Variants in ANKS1B observed in about 807,000 individuals in gnomAD.
ANKS1B encodes the protein ankyrin repeat and sterile alpha motif domain containing 1B, also known as ankyrin repeat and sterile alpha motif domain-containing protein 1B.
In ANKS1B, 36 loss-of-function variants were observed where a neutral mutation model predicts 148.3. The ratio of observed to expected loss-of-function variants is 0.24; its 90% confidence interval spans 0.19 to 0.32. The LOEUF is 0.32. Among genes scored for constraint, ANKS1B ranks in the 10% least tolerant of loss-of-function variants. The pLI, the probability that ANKS1B is intolerant of heterozygous loss-of-function variation, is 1.00. For synonymous variants in ANKS1B, 542 were observed against 560.8 expected, an observed-to-expected ratio of 0.97 and a Z score of 0.47; for missense variants, 1,157 against 1,542.6, an observed-to-expected ratio of 0.75 and a Z score of 4.19.
At chr12:99,959,227 A>ATTTTTT (rs71088166) in intron 1 of ANKS1B, among the ~76,000 whole-genome samples, 36 of 99,892 alleles carry the variant, frequency 3.6e-4, no homozygotes, top group Non-Finnish European at 5.0e-4. Context: ...CACCCAGTTA[A>ATTTTTT]TTTTTTTTTT....
At chr12:99,161,289 C>A (rs538371112) in intron 14 of ANKS1B, among the ~76,000 whole-genome samples, 1 of 152,152 alleles carries the variant, frequency 6.6e-6, no homozygotes, top group Non-Finnish European at 1.5e-5. Flanking sequence ...GTAATCCCAG[C>A]AATTTGGGAG....
chr12:99,953,232 T>C (rs181427226), intron 1 of ANKS1B, among the ~76,000 whole-genome samples: 1 of 151,850 alleles, frequency 6.6e-6, no homozygotes, highest in African/African-American at 2.4e-5. Context: ...ATGATAAAAA[T>C]AGAAGAGTAA....
At chr12:99,620,236 A>C (rs11109949) in intron 9 of ANKS1B, among the ~76,000 whole-genome samples, 22,650 of 152,168 alleles carry the variant, frequency 0.15, 1,845 homozygotes, top group Middle Eastern at 0.18. Flanking sequence ...AGAAAAAAAG[A>C]AGAGAAAATC....
At chr12:99,837,732 C>A (rs570963512) in intron 1 of ANKS1B, among the ~76,000 whole-genome samples, 1 of 152,220 alleles carries the variant, frequency 6.6e-6, no homozygotes, top group African/African-American at 2.4e-5. Flanking sequence ...CTACATTATA[C>A]TTCAGTCTCA....
intron 4 of ANKS1B, among the ~76,000 whole-genome samples, chr12:99,803,335 C>T (rs1364305201): frequency 8.4e-6 from 1 of 118,796 alleles, no homozygotes; most frequent in Non-Finnish European, 1.7e-5. Flanking sequence ...TTTCTATGAA[C>T]AAAGCAACAA....
At chr12:98,983,669 T>C (rs776553837) in intron 17 of ANKS1B, among the ~76,000 whole-genome samples, 38 of 152,206 alleles carry the variant, frequency 2.5e-4, no homozygotes, top group Non-Finnish European at 4.9e-4. Context: ...AGTGCTTTGA[T>C]TCCATTACAG....
chr12:99,075,745 G>A (rs2047633081), intron 16 of ANKS1B, among the ~76,000 whole-genome samples: 1 of 149,480 alleles, frequency 6.7e-6, no homozygotes, highest in African/African-American at 2.4e-5. Flanking sequence ...TTTGTCTATT[G>A]TATATAATTA....
chr12:99,138,450 C>G (rs547105764), intron 15 of ANKS1B, among the ~76,000 whole-genome samples: 2 of 152,334 alleles, frequency 1.3e-5, no homozygotes, highest in African/African-American at 4.8e-5. Context: ...CAAATAACTT[C>G]ATTTTCTTCA....
chr12:99,425,660 T>C (rs1361029318), intron 11 of ANKS1B, among the ~76,000 whole-genome samples: 1 of 151,952 alleles, frequency 6.6e-6, no homozygotes, highest in African/African-American at 2.4e-5. Context: ...TTATTGTGCA[T>C]TTCCTTGATA....
At chr12:99,665,431 A>G (rs984560198) in intron 8 of ANKS1B, among the ~76,000 whole-genome samples, 1 of 151,664 alleles carries the variant, frequency 6.6e-6, no homozygotes, top group Non-Finnish European at 1.5e-5. Context: ...CTTAGAGGCC[A>G]TTTACCTTCT....
chr12:99,786,556 T>C (rs2065028180), intron 4 of ANKS1B, among the ~76,000 whole-genome samples: 1 of 152,178 alleles, frequency 6.6e-6, no homozygotes, highest in African/African-American at 2.4e-5. Context: ...GTCTTAGTTG[T>C]AGATAGAGTG....
At chr12:99,104,125 G>T (rs2058623937) in intron 15 of ANKS1B, among the ~76,000 whole-genome samples, 1 of 152,142 alleles carries the variant, frequency 6.6e-6, no homozygotes, top group East Asian at 1.9e-4. Flanking sequence ...AGAGAAGGAT[G>T]AAGGATGAAT....
intron 8 of ANKS1B, among the ~76,000 whole-genome samples, chr12:99,750,966 A>G (rs2061049857): frequency 6.6e-6 from 1 of 152,058 alleles, no homozygotes; most frequent in Non-Finnish European, 1.5e-5. Flanking sequence ...TTATATCACT[A>G]ATATGTGATC....
intron 10 of ANKS1B, among the ~76,000 whole-genome samples, chr12:99,448,126 A>G (rs893607720): frequency 1.3e-5 from 2 of 152,106 alleles, no homozygotes; most frequent in African/African-American, 4.8e-5. Context: ...ATGAATCATT[A>G]TGTAGAAGAG....
At chr12:98,818,688 A>T in intron 19 of ANKS1B, among the ~76,000 whole-genome samples, 1 of 152,230 alleles carries the variant, frequency 6.6e-6, no homozygotes, top group Non-Finnish European at 1.5e-5. Context: ...GCTGAAAAAA[A>T]CCTAGATTTT....
chr12:99,898,730 C>T (rs940791769), intron 1 of ANKS1B, among the ~76,000 whole-genome samples: 2 of 152,044 alleles, frequency 1.3e-5, no homozygotes, highest in African/African-American at 2.4e-5. Context: ...GCTTTAGCCC[C>T]GACTTTGATA....
At chr12:99,841,831 ACCATTGTAATTC>A (rs1188355234) in intron 1 of ANKS1B, among the ~76,000 whole-genome samples, 7 of 151,686 alleles carry the variant, frequency 4.6e-5, no homozygotes, top group Admixed American at 1.3e-4. Context: ...CAGTTCTATC[ACCATTGTAATTC>A]CCAGTGTTCT....
chr12:99,554,605 C>T (rs1256846409), intron 9 of ANKS1B, among the ~76,000 whole-genome samples: 1 of 152,178 alleles, frequency 6.6e-6, no homozygotes, highest in Non-Finnish European at 1.5e-5. Flanking sequence ...TTTTCTACTG[C>T]ACTAACCATA....
In ANKS1B at chr12:98,934,807, G is replaced by A. The variant is rs117846939; in HGVS notation, c.2779-102671C>T. ...GAAATGCAAGTAATTTTTATATATT[G>A]ATTTGGTATATATCAATATATACCA... On this transcript the variant is annotated intron_variant, in intron 17 of 26. Coordinates refer to ENST00000683438, the MANE Select transcript of ANKS1B (RefSeq NM_001352186.2). 2.3e-3 allele frequency among the ~76,000 whole-genome samples: 347 copies of A among 150,474 alleles called. 4 individuals carry two copies. The East Asian group carries it at 0.046, about 20-fold the overall frequency.
Sources: allele counts gnomAD v4.1 joint callset (sites outside exome capture counted in the v4.1 genomes callset), GRCh38; gene constraint gnomAD v4.1.1; transcripts MANE v1.5; gene names NCBI Gene and HGNC (gene_info 2026-07-23, HGNC 2026-07-21).